ABCA12: variants seen among roughly 807,000 people sequenced by gnomAD.
The protein encoded by ABCA12 is glucosylceramide transporter ABCA12.
A neutral mutation model predicts 293.5 loss-of-function variants in ABCA12; 156 were observed. The observed-to-expected ratio is 0.53, with a 90% CI of 0.47 to 0.61. The LOEUF (loss-of-function observed/expected upper bound fraction) is 0.61, where lower values mean the gene tolerates loss of function less well. Ranked by LOEUF, ABCA12 falls within the 20% of genes least tolerant of loss-of-function variation. ABCA12 has a pLI of 0.00. For missense variants in ABCA12, 2,797 were observed against 3,090.2 expected (o/e 0.91, Z 2.25); for synonymous variants, 1,063 against 1,108.0 (o/e 0.96, Z 0.81).
intron 1 of ABCA12, among the ~76,000 whole-genome samples, chr2:215,134,604 TATATATATATATAGAGAG>T (rs1703163703): frequency 1.2e-5 from 1 of 83,572 alleles, no homozygotes; most frequent in Non-Finnish European, 2.2e-5. Context: ...TCTCTCTATA[TATATATATATATAGAGAG>T]AGAGAGAGAG....
chr2:215,048,126 C>T (rs1701239688), intron 6 of ABCA12, among the ~76,000 whole-genome samples: 1 of 152,092 alleles, frequency 6.6e-6, no homozygotes, highest in South Asian at 2.1e-4. Context: ...GAGATGCCAT[C>T]TCACACCAGT....
chr2:215,098,020 C>T (rs1231696193), intron 2 of ABCA12, among the ~76,000 whole-genome samples: 1 of 152,092 alleles, frequency 6.6e-6, no homozygotes, highest in Non-Finnish European at 1.5e-5. Context: ...TTAAAGCTAA[C>T]AGGATTCAGT....
intron 2 of ABCA12, among the ~76,000 whole-genome samples, chr2:215,088,087 A>G (rs1424455927): frequency 6.6e-6 from 1 of 152,210 alleles, no homozygotes; most frequent in Non-Finnish European, 1.5e-5. Flanking sequence ...GAAAAATCTT[A>G]GGTGCCACAC....
intron 2 of ABCA12, among the ~76,000 whole-genome samples, chr2:215,093,528 A>G (rs1702190835): frequency 6.6e-6 from 1 of 152,184 alleles, no homozygotes; most frequent in Non-Finnish European, 1.5e-5. Flanking sequence ...ATTCTTACAC[A>G]AGAACCAGAA....
intron 50 of ABCA12, among the ~76,000 whole-genome samples, chr2:214,939,813 G>C (rs1574922698): frequency 6.6e-6 from 1 of 152,274 alleles, no homozygotes; most frequent in African/African-American, 2.4e-5. Context: ...CATTGATTTT[G>C]TATCTTGAGA....
At chr2:215,008,283 A>G (rs1453356553) in intron 18 of ABCA12, among the ~76,000 whole-genome samples, 2 of 152,176 alleles carry the variant, frequency 1.3e-5, no homozygotes, top group African/African-American at 4.8e-5. Flanking sequence ...AATAAAATGC[A>G]ATATCCTTCA....
At chr2:214,993,784 T>C (rs1332576794) in intron 23 of ABCA12, among the ~76,000 whole-genome samples, 1 of 152,188 alleles carries the variant, frequency 6.6e-6, no homozygotes, top group Non-Finnish European at 1.5e-5. Context: ...ATAAACGTGT[T>C]TTTCTTCCCT....
In ABCA12 at chr2:214,970,328, C is replaced by A; in HGVS notation, c.5635G>T (p.Gly1879Trp). 1 of 1,613,098 alleles carries A rather than the reference C, an allele frequency of 6.2e-7. No homozygotes were observed. The change falls in exon 37 of 53, where the codon GGG (glycine) becomes TGG (tryptophan). Residue 1879 changes from glycine (G) to tryptophan (W), a missense_variant. By Grantham distance (184) the Gly-to-Trp change is radical. Around this residue, in one of 3 missense-constraint regions of ABCA12, gnomAD observed 2,130 missense variants for 2,427.0 expected, o/e 0.88. Coordinates refer to ENST00000272895, the MANE Select transcript of ABCA12 (RefSeq NM_173076.3). ...YSSQVIYNLT[G>W]QRVENYLIST... ...ATAAGATAATTTTCCACTCGTTGCC[C>A]AGTGAGGTTATAAATTACCTGGGAT... is the stretch of plus-strand genomic sequence containing the variant.
chr2:215,064,340 C>A, intron 2 of ABCA12, 121 bp from the exon 3 acceptor site: 1 of 986,962 alleles, frequency 1.0e-6, no homozygotes, highest in South Asian at 1.4e-5. Flanking sequence ...GGTCCCCCAA[C>A]TGAGCCCCAA....
rs111870250 is a variant in ABCA12, at chr2:215,059,668, G to A, written c.317+4398C>T. On this transcript the variant is annotated intron_variant, in intron 3 of 52. Transcript: ENST00000272895. ...CAGGCTATTATTATGGGCAGATTAG[G>A]GGGTATCCTACATGTGTCAGGAACA... Among the ~76,000 whole-genome samples, 397 of 152,022 alleles carry A rather than the reference G, an allele frequency of 2.6e-3. 2 individuals are homozygous for A. The highest frequency in any genetic ancestry group is 9.2e-3 in the African/African-American group (383 of 41,490).
intron 39 of ABCA12, among the ~76,000 whole-genome samples, chr2:214,965,541 G>A (rs577658258): frequency 6.6e-6 from 1 of 151,632 alleles, no homozygotes; most frequent in South Asian, 2.1e-4. Flanking sequence ...TGGGGCGAGG[G>A]GGGAAGAAAA....
At chr2:215,040,803 C>T (rs535222986) in intron 7 of ABCA12, among the ~76,000 whole-genome samples, 3 of 150,716 alleles carry the variant, frequency 2.0e-5, no homozygotes, top group African/African-American at 7.5e-5. Flanking sequence ...CAGAGGGAGA[C>T]TCCGTCTCAA....
chr2:215,087,262 C>T (rs1702060356), intron 2 of ABCA12, among the ~76,000 whole-genome samples: 1 of 152,058 alleles, frequency 6.6e-6, no homozygotes. Flanking sequence ...TTAATATTGT[C>T]TATTAAGATG....
At chr2:215,028,934 G>A (rs758549724) in intron 9 of ABCA12, 1 of 152,172 alleles carries the variant, frequency 6.6e-6, no homozygotes, top group Non-Finnish European at 1.5e-5. Context: ...GTAGTGGGAA[G>A]CAGTGTCAGA....
chr2:214,956,851 C>A, intron 41 of ABCA12, 73 bp from the exon 42 acceptor site: 1 of 1,090,558 alleles, frequency 9.2e-7, no homozygotes, highest in Non-Finnish European at 1.4e-6. Context: ...AATAACCCAT[C>A]TAGTTTAAAA....
At chr2:214,944,912 T>C in intron 49 of ABCA12, 89 bp downstream of exon 49, 1 of 906,826 alleles carries the variant, frequency 1.1e-6, no homozygotes, top group Non-Finnish European at 1.8e-6. Context: ...TGTATGTGTA[T>C]ATATTTATTT....
At chr2:215,117,361 G>A (rs759285104) in intron 1 of ABCA12, among the ~76,000 whole-genome samples, 1 of 152,150 alleles carries the variant, frequency 6.6e-6, no homozygotes, top group Non-Finnish European at 1.5e-5. Context: ...CAGTGACCTT[G>A]TAGTCACTAA....
intron 6 of ABCA12, among the ~76,000 whole-genome samples, chr2:215,048,506 C>T (rs1701248749): frequency 6.6e-6 from 1 of 150,860 alleles, no homozygotes; most frequent in South Asian, 2.1e-4. Context: ...ATGAGCCTGG[C>T]CAACATGGCA....
intron 1 of ABCA12, among the ~76,000 whole-genome samples, chr2:215,137,387 A>T (rs563617057): frequency 2.0e-5 from 3 of 152,316 alleles, no homozygotes; most frequent in African/African-American, 7.2e-5. Flanking sequence ...CCGATTTTCA[A>T]ACATTCTTCT....
Sources: allele counts gnomAD v4.1 joint callset (sites outside exome capture counted in the v4.1 genomes callset), GRCh38; gene constraint gnomAD v4.1.1; regional missense constraint gnomAD v4.1.1; transcripts MANE v1.5; gene names NCBI Gene and HGNC (gene_info 2026-07-23, HGNC 2026-07-21).